Variants in CLHC1 observed in about 807,000 individuals in gnomAD.
The protein encoded by CLHC1 is clathrin heavy chain linker domain containing 1, also known as clathrin heavy chain linker domain-containing protein 1.
CLHC1 carries 72 observed loss-of-function variants against 69.5 expected under a neutral mutation model. The ratio of observed to expected loss-of-function variants is 1.04; its 90% CI spans 0.86 to 1.26. The LOEUF (loss-of-function observed/expected upper bound fraction) is 1.26, where lower values mean the gene tolerates loss of function less well. CLHC1 is among the 50% of genes most tolerant of loss of function. CLHC1 has a pLI of 0.00. For missense variants in CLHC1, 790 were observed against 679.3 expected (o/e 1.16, Z -1.81); for synonymous variants, 223 against 224.3 (o/e 0.99, Z 0.05).
At chr2:55,223,348 G>A (rs11694920) in intron 2 of CLHC1, among the ~76,000 whole-genome samples, 148,752 of 152,324 alleles carry the variant, frequency 0.98, 72,670 homozygotes, top group African/African-American at 0.99. Flanking sequence ...GATGTCAAAA[G>A]TAACAGTATT....
rs1017717474 is a variant in CLHC1, at chr2:55,174,822, T to C, written c.*968A>G. The C allele has an allele frequency of 2.0e-5, 3 of 152,110 alleles. No individual in the cohort carries two copies. The highest frequency in any genetic ancestry group is 2.9e-5 in the Non-Finnish European group (2 of 68,016). The allele number at this position is 152,110 out of a possible 1,614,324, so 9.4% of individuals were successfully genotyped here. On this transcript the variant is annotated 3_prime_UTR_variant, in exon 13 of 13. Transcript: ENST00000401408. ...AGAGACGGGATCTCACTGTGTTACC[T>C]AGCTGGTCTCAAACTCCTGGGCTCA...
At chr2:55,204,201 TTGGA>T (rs1166483056) in intron 9 of CLHC1, among the ~76,000 whole-genome samples, 2 of 152,128 alleles carry the variant, frequency 1.3e-5, no homozygotes, top group African/African-American at 4.8e-5. Context: ...GGAGAATCAC[TTGGA>T]CCTGGGAGGC....
chr2:55,204,333 T>G (rs757930883), intron 9 of CLHC1, among the ~76,000 whole-genome samples: 1 of 152,108 alleles, frequency 6.6e-6, no homozygotes, highest in South Asian at 2.1e-4. Context: ...AAAGAAGACA[T>G]ACAAATGGCA....
rs184936208 is a variant in CLHC1 at position 55,224,581 on chromosome 2, A to T, written c.-82-2088T>A. The T allele has an allele frequency of 1.6e-3, 423 of 265,484 alleles. 3 individuals are homozygous for T. Among genetic ancestry groups the T allele is most frequent in the Non-Finnish European group, 2.3e-3 (298 of 129,610 alleles). 16.4% of individuals were successfully genotyped at this position (265,484 alleles called of 1,614,324 possible). A position where few individuals can be genotyped will look rare whatever the true frequency, so the allele number is the denominator to read the frequency against. On this transcript the variant is annotated intron_variant, in intron 2 of 12. Transcript: ENST00000401408. ...ACATGCACACAGGGGAGCTGTATCA[A>T]CAGCCAAGGGGGATGAGATGGGCCA...
chr2:55,197,584 C>A (rs1231102497), intron 9 of CLHC1, among the ~76,000 whole-genome samples: 2 of 152,180 alleles, frequency 1.3e-5, no homozygotes, highest in African/African-American at 4.8e-5. Context: ...AACAAGAATT[C>A]TCTGGTAATA....
chr2:55,191,798 T>TA lies in CLHC1; in HGVS notation c.1007-10055_1007-10054insT, dbSNP rs1670955166. Among the ~76,000 whole-genome samples, 91 of 147,804 alleles carry TA rather than the reference T, an allele frequency of 6.2e-4. 2 individuals carry two copies. The highest frequency in any genetic ancestry group is 1.9e-3 in the African/African-American group (75 of 40,152). On this transcript the variant is annotated intron_variant, in intron 9 of 12. Coordinates refer to ENST00000401408, the MANE Select transcript of CLHC1 (RefSeq NM_152385.4). ...AGCCAGAAAAAGTAGAAAAAAGGTT[T>TA]CAAAAAAAAAGAAGAGATAAGAGAA...
chr2:55,205,782 C>A (rs1015520840), intron 9 of CLHC1: 1 of 152,758 alleles, frequency 6.5e-6, no homozygotes, highest in Non-Finnish European at 1.5e-5. Flanking sequence ...GTAATCCCAG[C>A]TACTCGGGAG....
intron 2 of CLHC1, among the ~76,000 whole-genome samples, chr2:55,227,231 GTTTA>G (rs1417376361): frequency 2.0e-5 from 3 of 152,086 alleles, no homozygotes; most frequent in African/African-American, 7.2e-5. Context: ...AAATACATTT[GTTTA>G]TTCATTCATT....
At position 55,209,725 on chromosome 2, in the gene CLHC1, C is replaced by T. The variant is rs755362322; in HGVS notation, c.606G>A (p.Val202=). 3 of 1,613,444 alleles carry T rather than the reference C, an allele frequency of 1.9e-6. No individual in the cohort carries two copies. The highest frequency in any genetic ancestry group is 1.6e-4 in the Middle Eastern group (1 of 6,084). The change falls in exon 6 of 13, where the codon GTG becomes GTA. Residue 202 remains valine (V), a synonymous_variant. Transcript: ENST00000401408. ...CTAAATCAGCCTTCCTCTGAGCTGG[C>T]ACATATTTTATCAACATAGCTTGTT... ...EIKQAMLIKY[V]PAQRKADLDE...
chr2:55,199,745 T>C lies in CLHC1; in HGVS notation c.1006+6525A>G, dbSNP rs1300168613. On this transcript the variant is annotated intron_variant, in intron 9 of 12. Transcript: ENST00000401408. ...AAATCAAAAAGCATACAATGGACAC[T>C]CAAAAAATAAAAAGCAAGAAATTCA... 2.0e-5 allele frequency among the ~76,000 whole-genome samples: 3 copies of C among 151,388 alleles called. No individual in the cohort carries two copies. In the East Asian group the frequency reaches 5.8e-4, roughly 29 times the overall value.
chr2:55,209,508 C>A lies in CLHC1; in HGVS notation c.710G>T (p.Arg237Ile). 2 of 1,605,034 alleles carry A rather than the reference C, an allele frequency of 1.2e-6. No homozygotes were observed. Among genetic ancestry groups the A allele is most frequent in the Non-Finnish European group, 8.5e-7 (1 of 1,174,882 alleles). Residue 237 changes from arginine (R) to isoleucine (I), a missense_variant, in exon 7 of 13, where the codon AGA becomes ATA. Coordinates refer to ENST00000401408, the MANE Select transcript of CLHC1 (RefSeq NM_152385.4). ...AAGTGCCTGTGAAATTATCTGCAGT[C>A]TTTGATGACTAAAAAGATAAAAAAC... Reference protein sequence around the residue: ...LNKKLQFCHQRLQIISQALSS... With the variant: ...LNKKLQFCHQILQIISQALSS...
intron 1 of CLHC1, among the ~76,000 whole-genome samples, chr2:55,228,524 C>T (rs943189910): frequency 6.6e-6 from 1 of 152,140 alleles, no homozygotes; most frequent in Non-Finnish European, 1.5e-5. Flanking sequence ...TGACAAGTCA[C>T]AAGGGTTCCC....
At chr2:55,184,127 A>T (rs1670188833) in intron 9 of CLHC1, among the ~76,000 whole-genome samples, 2 of 120,788 alleles carry the variant, frequency 1.7e-5, no homozygotes, top group Admixed American at 9.7e-5. Flanking sequence ...TTTTTTCGAG[A>T]CAGGGTCTCA....
At chr2:55,199,477 A>G (rs953902771) in intron 9 of CLHC1, among the ~76,000 whole-genome samples, 2 of 152,134 alleles carry the variant, frequency 1.3e-5, no homozygotes, top group Non-Finnish European at 2.9e-5. Flanking sequence ...TCTTAAGTAG[A>G]AAGGCTAAAA....
At chr2:55,190,906 T>A (rs2103777618) in intron 9 of CLHC1, among the ~76,000 whole-genome samples, 1 of 151,400 alleles carries the variant, frequency 6.6e-6, no homozygotes, top group South Asian at 2.1e-4. Flanking sequence ...AGCATGAAAA[T>A]AAAACTATAC....
chr2:55,191,424 C>CG (rs1283706809), intron 9 of CLHC1, among the ~76,000 whole-genome samples: 2 of 151,980 alleles, frequency 1.3e-5, no homozygotes, highest in Non-Finnish European at 2.9e-5. Flanking sequence ...TTAGTAGAGA[C>CG]GGGGTTTCAC....
At chr2:55,182,788 G>A (rs963531862) in intron 9 of CLHC1, among the ~76,000 whole-genome samples, 3 of 152,150 alleles carry the variant, frequency 2.0e-5, no homozygotes, top group Non-Finnish European at 4.4e-5. Flanking sequence ...AGGCGGGTAG[G>A]CTGGTTGTCT....
chr2:55,224,444 G>C (rs180982699), intron 2 of CLHC1: 3 of 420,084 alleles, frequency 7.1e-6, no homozygotes, highest in Non-Finnish European at 1.5e-5. Context: ...CTCCGACAAT[G>C]TCAGATTCCT....
chr2:55,180,554 T>G lies in CLHC1; in HGVS notation c.1340A>C (p.His447Pro). ...CTGCTGTATGTACTCCATGACCCTA[T>G]GAGTCTGACCCTGTTTACACAAGCA... Reference protein sequence around the residue: ...ILCLCKQGQTHRVMEYIQQLK... With the variant: ...ILCLCKQGQTPRVMEYIQQLK... Residue 447 changes from histidine (H) to proline (P), a missense_variant, in exon 11 of 13, where the codon CAT becomes CCT. Transcript: ENST00000401408. 1 of 1,614,160 alleles carries G rather than the reference T, an allele frequency of 6.2e-7. No individual in the cohort carries two copies. Among genetic ancestry groups the G allele is most frequent in the Non-Finnish European group, 8.5e-7 (1 of 1,179,994 alleles).
Sources: gnomAD v4.1 joint callset for allele counts (sites outside exome capture counted in the v4.1 genomes callset) on GRCh38, gnomAD v4.1.1 for gene constraint, MANE v1.5 for transcripts, NCBI Gene and HGNC (gene_info 2026-07-23, HGNC 2026-07-21) for gene names.